The following ERCC3 variants were observed in gnomAD, a reference collection of about 807,000 sequenced individuals.
ERCC3 encodes the protein ERCC excision repair 3, TFIIH core complex helicase subunit.
A neutral mutation model predicts 94.2 loss-of-function variants in ERCC3; 66 were observed. The observed-to-expected ratio is 0.70, with a 90% CI of 0.57 to 0.86. The LOEUF (loss-of-function observed/expected upper bound fraction) is 0.86. ERCC3 is among the 40% of genes least tolerant of loss of function. The probability of loss-of-function intolerance (pLI) is 0.00; values close to 1 mark genes in which losing one functional copy is unlikely to be tolerated. For synonymous variants in ERCC3, 349 were observed against 369.1 expected (o/e 0.95, Z 0.63); for missense variants, 829 against 987.1 (o/e 0.84, Z 2.15).
intron 12 of ERCC3, 69 bp from the exon 13 acceptor site, chr2:127,261,415 G>A: frequency 1.0e-6 from 1 of 999,982 alleles, no homozygotes; most frequent in Middle Eastern, 2.0e-4. Flanking sequence ...AGAGCTAAGG[G>A]TCCCAGGCTC....
intron 3 of ERCC3, chr2:127,292,361 T>C (rs1573964215): frequency 3.4e-6 from 2 of 580,330 alleles, no homozygotes; most frequent in East Asian, 6.2e-5. Context: ...GAGCGGCTCA[T>C]GAGAAGCGTG....
At position 127,271,674 on chromosome 2, in the gene ERCC3, C is replaced by A. The variant is rs1684556132; in HGVS notation, c.1828-221G>T. ...TTGTGTGAGTTCTGCTAAGAGTCAT[C>A]CTGAAGAATTAATACCAGGCATCAG... On this transcript the variant is annotated intron_variant, in intron 11 of 14. Coordinates refer to ENST00000285398, the MANE Select transcript of ERCC3 (RefSeq NM_000122.2). This position sits in a 1 kb window ranked among gnomAD's most constrained non-coding sequence, Gnocchi z 5.0. 6.6e-6 allele frequency among the ~76,000 whole-genome samples: 1 copy of A among 152,106 alleles called. No homozygotes were observed. The highest frequency in any genetic ancestry group is 2.4e-5 in the African/African-American group (1 of 41,394).
chr2:127,274,632 G>C lies in ERCC3; in HGVS notation c.1731-1671C>G, dbSNP rs772514524. Among the ~76,000 whole-genome samples, 1 of 152,228 alleles carries C rather than the reference G, an allele frequency of 6.6e-6. No homozygotes were observed. Among genetic ancestry groups the C allele is most frequent in the Non-Finnish European group, 1.5e-5 (1 of 68,046 alleles). On this transcript the variant is annotated intron_variant, in intron 10 of 14. Coordinates refer to ENST00000285398, the MANE Select transcript of ERCC3 (RefSeq NM_000122.2). This position sits in a 1 kb window ranked among gnomAD's most constrained non-coding sequence, Gnocchi z 4.0. ...TCACAAGCTGCCTTGCCGTGATCCAGAATGTCCCGGCCACCACATAATTTT... is the reference window on the plus strand; with the variant it reads ...TCACAAGCTGCCTTGCCGTGATCCACAATGTCCCGGCCACCACATAATTTT...
In ERCC3 at chr2:127,271,436, A is replaced by G; in HGVS notation, c.1845T>C (p.Phe615=). The change falls in exon 12 of 15, where the codon TTT becomes TTC. Residue 615 remains phenylalanine (F), a synonymous_variant. Coordinates refer to ENST00000285398, the MANE Select transcript of ERCC3 (RefSeq NM_000122.2). This position sits in a 1 kb window ranked among gnomAD's most constrained non-coding sequence, Gnocchi z 5.0. ...IFISKVGDTS[F]DLPEANVLIQ... ...TGAGGACATTTGCTTCCGGCAGATC[A>G]AACGAAGTGTCACCTACCTACAGAA... 6.2e-7 allele frequency: 1 copy of G among 1,613,978 alleles called. No homozygotes were observed. Among genetic ancestry groups the G allele is most frequent in the Non-Finnish European group, 8.5e-7 (1 of 1,179,830 alleles).
rs759803173 is a variant in ERCC3 at position 127,290,286 on chromosome 2, A to G, written c.472-13T>C. The G allele has an allele frequency of 1.9e-6, 3 of 1,609,434 alleles. No homozygotes were observed. The highest frequency in any genetic ancestry group is 2.6e-6 in the Non-Finnish European group (3 of 1,175,858). ...TGACAGTACACAACTGCAAATACAG[A>G]TAACATCCAACAGGTAAATGTGCAG... On this transcript the variant is annotated splice_polypyrimidine_tract_variant and intron_variant, in intron 3 of 14. Coordinates refer to ENST00000285398, the MANE Select transcript of ERCC3 (RefSeq NM_000122.2).
At position 127,288,789 on chromosome 2, in the gene ERCC3, C is replaced by G; in HGVS notation, c.898G>C (p.Asp300His). 1 of 1,614,020 alleles carries G rather than the reference C, an allele frequency of 6.2e-7. No individual in the cohort carries two copies. Among genetic ancestry groups the G allele is most frequent in the Non-Finnish European group, 8.5e-7 (1 of 1,179,910 alleles). Residue 300 changes from aspartate to histidine, a missense_variant, in exon 7 of 15, where the codon GAT becomes CAT. By Grantham distance (81) the Asp-to-His change is moderately conservative (BLOSUM62 -1). Transcript: ENST00000285398. ...ATGTTGATATCAGGGTTGACAGAATCATTCCGGAAGTCATATTCTGCCAAC... is the reference window on the plus strand; with the variant it reads ...ATGTTGATATCAGGGTTGACAGAATGATTCCGGAAGTCATATTCTGCCAAC... ...PLLAEYDFRN[D>H]SVNPDINIDL...
intron 8 of ERCC3, among the ~76,000 whole-genome samples, chr2:127,281,748 C>T (rs1684919634): frequency 6.6e-6 from 1 of 152,116 alleles, no homozygotes; most frequent in Non-Finnish European, 1.5e-5. Flanking sequence ...CACAACACCA[C>T]ATGCAAACAC....
intron 10 of ERCC3, among the ~76,000 whole-genome samples, chr2:127,275,008 C>T (rs1178433519): frequency 2.6e-5 from 4 of 152,204 alleles, no homozygotes; most frequent in Non-Finnish European, 5.9e-5. Context: ...AACTTTCCCA[C>T]ATCCAGTCTG....
At chr2:127,266,333 C>CTTTTTTTTTTT (rs58029182) in intron 12 of ERCC3, among the ~76,000 whole-genome samples, 1 of 111,354 alleles carries the variant, frequency 9.0e-6, no homozygotes, top group Non-Finnish European at 1.8e-5. Context: ...TTTATTGAGT[C>CTTTTTTTTTTT]TTTTTTTTTT....
chr2:127,278,873 C>A (rs1296793776), intron 10 of ERCC3, among the ~76,000 whole-genome samples: 1 of 152,190 alleles, frequency 6.6e-6, no homozygotes, highest in African/African-American at 2.4e-5. Context: ...AATGCCAACT[C>A]CCACCCACCT....
Position 127,259,356 on chromosome 2 carries a change from G to A in ERCC3, c.2157C>T (p.Ala719=). 6.2e-7 allele frequency: 1 copy of A among 1,614,172 alleles called. No homozygotes were observed. The highest frequency in any genetic ancestry group is 8.5e-7 in the Non-Finnish European group (1 of 1,180,038). ...CCTCCTCCTCGGCATCCAGGTCAGT[G>A]GCTGCCAGGACTTTCTGTAAGAGCT... ...QQQLLQKVLA[A]TDLDAEEEVV... The change falls in exon 14 of 15, where the codon GCC becomes GCT. Residue 719 remains alanine, a synonymous_variant. Coordinates refer to ENST00000285398, the MANE Select transcript of ERCC3 (RefSeq NM_000122.2). This position sits in a 1 kb window ranked among gnomAD's most constrained non-coding sequence, Gnocchi z 4.9.
At position 127,274,871 on chromosome 2, in the gene ERCC3, A is replaced by G. The variant is rs1321586077; in HGVS notation, c.1731-1910T>C. ...CCTCCAAGTGGAGAATGTCACATTT[A>G]CTAAATACTTACAAGCTGCCAGGCA... On this transcript the variant is annotated intron_variant, in intron 10 of 14. Coordinates refer to ENST00000285398, the MANE Select transcript of ERCC3 (RefSeq NM_000122.2). This position sits in a 1 kb window ranked among gnomAD's most constrained non-coding sequence, Gnocchi z 4.0. 6.6e-6 allele frequency among the ~76,000 whole-genome samples: 1 copy of G among 152,158 alleles called. No homozygotes were observed. Among genetic ancestry groups the G allele is most frequent in the African/African-American group, 2.4e-5 (1 of 41,426 alleles).
chr2:127,289,943 C>T (rs1012790411), intron 4 of ERCC3, 119 bp from the exon 5 acceptor site: 64 of 1,215,560 alleles, frequency 5.3e-5, no homozygotes, highest in Non-Finnish European at 7.1e-5. Context: ...CACAACCCTT[C>T]GCCAAATCTG....
At chr2:127,273,078 G>T (rs1446804303) in intron 10 of ERCC3, 117 bp from the exon 11 acceptor site, 1 of 704,102 alleles carries the variant, frequency 1.4e-6, no homozygotes, top group Non-Finnish European at 2.6e-6. Context: ...CCCTCGTCAT[G>T]TAGGAATATC....
intron 12 of ERCC3, among the ~76,000 whole-genome samples, chr2:127,270,740 C>T (rs1274684705): frequency 6.6e-6 from 1 of 152,192 alleles, no homozygotes; most frequent in African/African-American, 2.4e-5. Context: ...GCCATGTCCA[C>T]AATGGCAGTC....
intron 8 of ERCC3, among the ~76,000 whole-genome samples, chr2:127,285,322 G>T (rs369049766): frequency 1.2e-4 from 18 of 152,134 alleles, no homozygotes; most frequent in African/African-American, 3.6e-4. Context: ...TACTTTGGGA[G>T]GCCCAAGCAG....
At chr2:127,263,738 C>T (rs542306858) in intron 12 of ERCC3, among the ~76,000 whole-genome samples, 1 of 148,720 alleles carries the variant, frequency 6.7e-6, no homozygotes, top group Non-Finnish European at 1.5e-5. Flanking sequence ...GACGGAGTCT[C>T]GCTCTGTCGC....
At position 127,279,228 on chromosome 2, in the gene ERCC3, T is replaced by C. The variant is rs773507392; in HGVS notation, c.1675A>G (p.Ile559Val). The C allele has an allele frequency of 1.2e-6, 2 of 1,613,850 alleles. No individual in the cohort carries two copies. The highest frequency in any genetic ancestry group is 1.7e-6 in the Non-Finnish European group (2 of 1,179,716). Reference protein sequence around the residue: ...KFHERRNDKIIVFADNVFALK... With the variant: ...KFHERRNDKIVVFADNVFALK... ...GCAAACACATTGTCAGCAAAGACAA[T>C]AATCTTGTCATTCCTCCTTTCATGA... The change falls in exon 10 of 15, where the codon ATT becomes GTT. Residue 559 changes from isoleucine to valine, a missense_variant. Coordinates refer to ENST00000285398, the MANE Select transcript of ERCC3 (RefSeq NM_000122.2). This position sits in a 1 kb window ranked among gnomAD's most constrained non-coding sequence, Gnocchi z 4.7.
chr2:127,265,938 C>T (rs1221476961), intron 12 of ERCC3, among the ~76,000 whole-genome samples: 1 of 152,076 alleles, frequency 6.6e-6, no homozygotes, highest in African/African-American at 2.4e-5. Flanking sequence ...ATAAACTTTC[C>T]TAACAATACC....
Sources: allele counts gnomAD v4.1 joint callset (sites outside exome capture counted in the v4.1 genomes callset), GRCh38; gene constraint gnomAD v4.1.1; non-coding constraint Gnocchi (gnomAD v3.1); transcripts MANE v1.5; gene names NCBI Gene and HGNC (gene_info 2026-07-23, HGNC 2026-07-21).